The following PHF21B variants were observed in gnomAD, a reference collection of about 807,000 sequenced individuals.
The protein encoded by PHF21B is PHD finger protein 4.
In PHF21B, 22 loss-of-function variants were observed where a neutral mutation model predicts 62.2. That is an observed-to-expected ratio of 0.35 (90% CI 0.25 to 0.51). The LOEUF (loss-of-function observed/expected upper bound fraction) is 0.51, where lower values mean the gene tolerates loss of function less well. PHF21B is among the 20% of genes least tolerant of loss of function. The probability of loss-of-function intolerance (pLI) is 0.97; values close to 1 mark genes in which losing one functional copy is unlikely to be tolerated. For missense variants in PHF21B, 701 were observed against 707.9 expected (o/e 0.99, Z 0.11); for synonymous variants, 341 against 314.7 (o/e 1.08, Z -0.88).
At chr22:44,895,895 G>T in intron 6 of PHF21B, 137 bp downstream of exon 6, 1 of 916,668 alleles carries the variant, frequency 1.1e-6, no homozygotes, top group Non-Finnish European at 1.8e-6. Flanking sequence ...GAGACCCACT[G>T]CAGCAGTGTG....
intron 5 of PHF21B, among the ~76,000 whole-genome samples, chr22:44,899,759 T>C (rs1272071771): frequency 6.6e-6 from 1 of 152,214 alleles, no homozygotes; most frequent in Non-Finnish European, 1.5e-5. Flanking sequence ...TTTGCTGCAA[T>C]CATAAATGGG....
intron 2 of PHF21B, among the ~76,000 whole-genome samples, chr22:44,923,118 A>T (rs2071566776): frequency 1.3e-5 from 2 of 152,170 alleles, no homozygotes; most frequent in East Asian, 3.8e-4. Flanking sequence ...AAGACAGTGT[A>T]GTATTGGTGT....
At chr22:44,889,092 A>G (rs1303255294) in intron 9 of PHF21B, among the ~76,000 whole-genome samples, 5 of 152,260 alleles carry the variant, frequency 3.3e-5, no homozygotes, top group African/African-American at 9.6e-5. Context: ...AGCTGACTGC[A>G]ATCATCACCT....
intron 2 of PHF21B, among the ~76,000 whole-genome samples, chr22:44,984,212 TCACCAC>T (rs1371345893): frequency 5.4e-5 from 1 of 18,370 alleles, no homozygotes; most frequent in African/African-American, 1.9e-4. Context: ...ACCACCATCA[TCACCAC>T]CACCATCACC....
At chr22:44,974,385 G>A (rs1380775840) in intron 2 of PHF21B, among the ~76,000 whole-genome samples, 1 of 150,716 alleles carries the variant, frequency 6.6e-6, no homozygotes, top group Non-Finnish European at 1.5e-5. Flanking sequence ...CTGCACTCCA[G>A]CCTGGGCGAC....
chr22:44,952,876 G>A (rs1288844656), intron 2 of PHF21B, among the ~76,000 whole-genome samples: 2 of 152,180 alleles, frequency 1.3e-5, no homozygotes, highest in Admixed American at 1.3e-4. Flanking sequence ...ACAAAAGGCA[G>A]GATTCAGCCC....
intron 2 of PHF21B, among the ~76,000 whole-genome samples, chr22:44,993,023 G>A (rs1210990180): frequency 1.3e-5 from 2 of 152,174 alleles, no homozygotes; most frequent in Non-Finnish European, 2.9e-5. Flanking sequence ...CTCACACTTG[G>A]TCAGAAGGGA....
chr22:44,930,145 C>T (rs912783640), intron 2 of PHF21B, among the ~76,000 whole-genome samples: 13 of 152,242 alleles, frequency 8.5e-5, no homozygotes, highest in Non-Finnish European at 2.9e-5. Flanking sequence ...TGACTCCATC[C>T]GCTCAGGCAA....
intron 2 of PHF21B, among the ~76,000 whole-genome samples, chr22:44,992,655 C>T (rs1423272042): frequency 1.3e-5 from 2 of 152,218 alleles, no homozygotes; most frequent in East Asian, 3.8e-4. Context: ...GGCTTTTGGC[C>T]GCCATCCTCC....
At chr22:44,941,906 G>A (rs541909501) in intron 2 of PHF21B, among the ~76,000 whole-genome samples, 3 of 152,276 alleles carry the variant, frequency 2.0e-5, no homozygotes, top group African/African-American at 4.8e-5. Context: ...GTCTCCCAGG[G>A]ACTGCCTGTT....
chr22:44,964,515 CAGG>C (rs959946295), intron 2 of PHF21B, among the ~76,000 whole-genome samples: 12 of 152,364 alleles, frequency 7.9e-5, no homozygotes, highest in Non-Finnish European at 1.3e-4. Context: ...CCTGACTCGG[CAGG>C]AGAAGATTTT....
chr22:44,891,467 G>A (rs1039409699), intron 7 of PHF21B, 107 bp from the exon 8 acceptor site: 7 of 1,339,006 alleles, frequency 5.2e-6, no homozygotes, highest in Admixed American at 2.0e-5. Context: ...TCCCACCCAG[G>A]GCTCCAGGCT....
At chr22:44,966,158 G>A (rs929821854) in intron 2 of PHF21B, among the ~76,000 whole-genome samples, 2 of 152,020 alleles carry the variant, frequency 1.3e-5, no homozygotes, top group African/African-American at 2.4e-5. Flanking sequence ...CCAGTCCCTC[G>A]CTCCTACGCT....
chr22:45,007,442 G>GGCGGGGGCGC (rs915057938), intron 2 of PHF21B, among the ~76,000 whole-genome samples: 1 of 150,256 alleles, frequency 6.7e-6, no homozygotes, highest in Middle Eastern at 3.2e-3. Context: ...GGCAGGCCCG[G>GGCGGGGGCGC]GCGGGGGCGC....
At chr22:44,956,616 G>A (rs1032893074) in intron 2 of PHF21B, among the ~76,000 whole-genome samples, 5 of 152,144 alleles carry the variant, frequency 3.3e-5, no homozygotes, top group Admixed American at 2.0e-4. Flanking sequence ...TTCACGAGGC[G>A]GCTGCTGCCC....
intron 2 of PHF21B, among the ~76,000 whole-genome samples, chr22:44,968,809 CTCAAAGTG>C (rs1416808198): frequency 2.0e-5 from 3 of 152,182 alleles, no homozygotes; most frequent in South Asian, 2.1e-4. Context: ...CCCATCACTA[CTCAAAGTG>C]TCAGGTTTCA....
chr22:44,885,755 G>T, intron 11 of PHF21B, 108 bp downstream of exon 11: 1 of 1,235,632 alleles, frequency 8.1e-7, no homozygotes, highest in Non-Finnish European at 1.2e-6. Flanking sequence ...CTCTGGCCCT[G>T]AAGGGAATGG....
intron 2 of PHF21B, among the ~76,000 whole-genome samples, chr22:44,961,018 G>A (rs1242248842): frequency 3.5e-5 from 5 of 144,592 alleles, no homozygotes; most frequent in Admixed American, 2.2e-4. Flanking sequence ...GTGCAGTGGC[G>A]CGATCTCGGC....
At chr22:44,977,906 TAAATG>T (rs2072768291) in intron 2 of PHF21B, among the ~76,000 whole-genome samples, 1 of 152,152 alleles carries the variant, frequency 6.6e-6, no homozygotes. Flanking sequence ...GAACTTTAAT[TAAATG>T]AAATCATATG....
Sources: allele counts gnomAD v4.1 joint callset (sites outside exome capture counted in the v4.1 genomes callset), GRCh38; gene constraint gnomAD v4.1.1; transcripts MANE v1.5; gene names NCBI Gene and HGNC (gene_info 2026-07-23, HGNC 2026-07-21).